The following SLC19A3 variants were observed in gnomAD, a reference collection of about 807,000 sequenced individuals.
The protein encoded by SLC19A3 is solute carrier family 19 member 3.
Under a neutral mutation model 40.2 loss-of-function variants are expected in SLC19A3, and 31 were observed. The ratio of observed to expected loss-of-function variants is 0.77; its 90% confidence interval spans 0.58 to 1.04. The LOEUF (loss-of-function observed/expected upper bound fraction) is 1.04, where lower values mean the gene tolerates loss of function less well. Ranked by LOEUF, SLC19A3 falls within the 50% of genes least tolerant of loss-of-function variation. The pLI, the probability that SLC19A3 is intolerant of heterozygous loss-of-function variation, is 0.00. For synonymous variants in SLC19A3, 212 were observed against 227.5 expected (o/e 0.93, Z 0.61); for missense variants, 592 against 596.7 (o/e 0.99, Z 0.08).
At chr2:227,687,910 G>C (rs1695080123) in intron 5 of SLC19A3, among the ~76,000 whole-genome samples, 1 of 152,142 alleles carries the variant, frequency 6.6e-6, no homozygotes. Context: ...TTGGAGGCTG[G>C]TGCAATGCTA....
chr2:227,701,259 G>A, intron 2 of SLC19A3: 1 of 352,410 alleles, frequency 2.8e-6, no homozygotes, highest in Non-Finnish European at 5.1e-6. Flanking sequence ...GGCTAAGGCT[G>A]GAGATTGTAA....
At chr2:227,708,181 C>T (rs1038645597) in intron 1 of SLC19A3, among the ~76,000 whole-genome samples, 1 of 152,058 alleles carries the variant, frequency 6.6e-6, no homozygotes, top group East Asian at 1.9e-4. Context: ...TTAAAATGCT[C>T]TTAGTTTTCT....
Position 227,686,947 on chromosome 2 carries a change from T to C in SLC19A3, c.*450A>G. 1 of 154,750 alleles carries C rather than the reference T, an allele frequency of 6.5e-6. No individual in the cohort carries two copies. The highest frequency in any genetic ancestry group is 1.4e-5 in the Non-Finnish European group (1 of 69,724). The allele number at this position is 154,750 out of a possible 1,614,324, so 9.6% of individuals were successfully genotyped here. On this transcript the variant is annotated 3_prime_UTR_variant, in exon 6 of 6. Transcript: ENST00000644224. Reference sequence around the variant, plus strand: ...ATAGAAGAGGAAAGAAAATGGTTCATGTGACACAAAGGTCCCATGTGTTGA... The same window carrying C: ...ATAGAAGAGGAAAGAAAATGGTTCACGTGACACAAAGGTCCCATGTGTTGA...
intron 2 of SLC19A3, among the ~76,000 whole-genome samples, chr2:227,700,140 G>T (rs1695626364): frequency 6.6e-6 from 1 of 151,988 alleles, no homozygotes; most frequent in Non-Finnish European, 1.5e-5. Flanking sequence ...GCCTCCCAAA[G>T]TGCTGGGATT....
intron 4 of SLC19A3, among the ~76,000 whole-genome samples, chr2:227,692,619 G>A (rs1428275655): frequency 2.0e-5 from 3 of 152,126 alleles, no homozygotes; most frequent in Admixed American, 2.0e-4. Context: ...AAGCTGAAAT[G>A]CTTTACTCTC....
At chr2:227,697,086 G>A (rs926457532) in intron 3 of SLC19A3, among the ~76,000 whole-genome samples, 2 of 151,798 alleles carry the variant, frequency 1.3e-5, no homozygotes, top group Admixed American at 6.6e-5. Context: ...TAAACAAAAG[G>A]TATTTAGATT....
At position 227,700,995 on chromosome 2, in the gene SLC19A3, G is replaced by A; in HGVS notation, c.150+1174C>T. On this transcript the variant is annotated intron_variant, in intron 2 of 5. Coordinates refer to ENST00000644224, the MANE Select transcript of SLC19A3 (RefSeq NM_025243.4). ...CACACAACTGAGCTGCTCCTTGGAG[G>A]GAAGGTCTGTTAACTGGTCCACAGT... is the stretch of plus-strand genomic sequence containing the variant. 3.1e-6 allele frequency: 4 copies of A among 1,304,278 alleles called. No homozygotes were observed. In the South Asian group the frequency reaches 3.7e-5, roughly 12 times the overall value. The allele number at this position is 1,304,278 out of a possible 1,614,324, so 80.8% of individuals were successfully genotyped here.
At position 227,702,321 on chromosome 2, in the gene SLC19A3, C is replaced by A; in HGVS notation, c.-2-1G>T. 6.2e-7 allele frequency: 1 copy of A among 1,613,718 alleles called. No homozygotes were observed. The highest frequency in any genetic ancestry group is 8.5e-7 in the Non-Finnish European group (1 of 1,179,892). The stretch of plus-strand genomic sequence containing the variant: ...AGTGAAGTTCTGTAACAATCCATGG[C>A]TGATCAAATGGAAACAAAGAGAAAA... On this transcript the variant is annotated splice_acceptor_variant, in intron 1 of 5. Transcript: ENST00000644224. LOFTEE classifies it low-confidence loss of function (5UTR_SPLICE).
rs139464512 is a variant in SLC19A3, at chr2:227,699,035, C to T, written c.680G>A (p.Gly227Asp). Residue 227 changes from glycine to aspartate, a missense_variant, in exon 3 of 6, where the codon GGC becomes GAC. Gly to Asp is a moderately conservative substitution (Grantham distance 94). Coordinates refer to ENST00000644224, the MANE Select transcript of SLC19A3 (RefSeq NM_025243.4). ...LEETHEGEAP[G>D]CEEQKPTSEI... is the part of the protein sequence containing the mutation. ...TGATGTGGGTTTCTGCTCTTCACAG[C>T]CTGGTGCTTCACCTTCGTGAGTTTC... 1.9e-5 allele frequency: 31 copies of T among 1,614,104 alleles called. No homozygotes were observed. In the African/African-American group the frequency reaches 3.9e-4, roughly 20 times the overall value.
chr2:227,694,542 A>G (rs1237498876), intron 4 of SLC19A3, among the ~76,000 whole-genome samples: 1 of 152,204 alleles, frequency 6.6e-6, no homozygotes, highest in Non-Finnish European at 1.5e-5. Context: ...GCAAAACTTG[A>G]TGAAGCTTTT....
intron 4 of SLC19A3, among the ~76,000 whole-genome samples, chr2:227,689,807 A>G (rs1277615964): frequency 6.6e-6 from 1 of 152,220 alleles, no homozygotes; most frequent in African/African-American, 2.4e-5. Flanking sequence ...TTTTCAAGAC[A>G]AATAGTACAA....
rs1444836784 is a variant in SLC19A3 at position 227,684,600 on chromosome 2, C to G, written c.*2797G>C. 6.6e-6 allele frequency: 1 copy of G among 152,634 alleles called. No homozygotes were observed. The highest frequency in any genetic ancestry group is 2.4e-5 in the African/African-American group (1 of 41,466). 9.5% of individuals were successfully genotyped at this position (152,634 alleles called of 1,614,324 possible). A position where few individuals can be genotyped will look rare whatever the true frequency, so the allele number is the denominator to read the frequency against. On this transcript the variant is annotated 3_prime_UTR_variant, in exon 6 of 6. Coordinates refer to ENST00000644224, the MANE Select transcript of SLC19A3 (RefSeq NM_025243.4). ...GGGATTACAGGCGTGAGCCACTGCA[C>G]CTGGCCTCCTTTCCAATTTCTGACC...
chr2:227,698,461 A>G (rs1695527896), intron 3 of SLC19A3, among the ~76,000 whole-genome samples: 1 of 150,170 alleles, frequency 6.7e-6, no homozygotes, highest in Non-Finnish European at 1.5e-5. Context: ...ACGCCTACCT[A>G]TTTTATTTTT....
intron 4 of SLC19A3, among the ~76,000 whole-genome samples, chr2:227,694,667 G>GT (rs1442099383): frequency 1.3e-5 from 2 of 152,158 alleles, no homozygotes; most frequent in African/African-American, 4.8e-5. Flanking sequence ...AAACCGAATG[G>GT]TTTTTTAATC....
intron 1 of SLC19A3, among the ~76,000 whole-genome samples, chr2:227,717,205 A>G (rs1342742763): frequency 6.6e-6 from 1 of 151,942 alleles, no homozygotes; most frequent in Non-Finnish European, 1.5e-5. Flanking sequence ...GTTTCATCCC[A>G]GGGCCAAGCT....
intron 3 of SLC19A3, among the ~76,000 whole-genome samples, chr2:227,696,565 GC>G (rs1306619938): frequency 3.9e-5 from 6 of 152,048 alleles, no homozygotes; most frequent in African/African-American, 9.7e-5. Flanking sequence ...CTTTTTTCTT[GC>G]CCTACCCAGT....
chr2:227,696,125 T>C (rs1323926985), intron 3 of SLC19A3, 44 bp from the exon 4 acceptor site: 2 of 1,588,620 alleles, frequency 1.3e-6, no homozygotes, highest in Admixed American at 3.3e-5. Context: ...TGACTTTGCA[T>C]GCAGGAAAAT....
chr2:227,697,682 A>G (rs1012963887), intron 3 of SLC19A3, among the ~76,000 whole-genome samples: 2 of 152,216 alleles, frequency 1.3e-5, no homozygotes, highest in South Asian at 4.1e-4. Flanking sequence ...ATAATCCTAA[A>G]AGAACAGGGC....
Position 227,702,193 on chromosome 2 carries a change from T to TG in SLC19A3, c.125dup (p.Asp43ArgfsTer2), listed in dbSNP as rs866002450. 6.2e-7 allele frequency: 1 copy of TG among 1,613,954 alleles called. No individual in the cohort carries two copies. ...CCTCTGCACTGGTCAGGTTTTTATC[T>TG]GGTCCAGATAAATATGGGATAAGGA... On this transcript the variant is annotated frameshift_variant, in exon 2 of 6. Transcript: ENST00000644224. LOFTEE classifies it high-confidence loss of function.
Sources: gnomAD v4.1 joint callset for allele counts (sites outside exome capture counted in the v4.1 genomes callset) on GRCh38, gnomAD v4.1.1 for gene constraint, MANE v1.5 for transcripts, NCBI Gene and HGNC (gene_info 2026-07-23, HGNC 2026-07-21) for gene names.